UNC5C: variants seen among roughly 807,000 people sequenced by gnomAD.
UNC5C encodes the protein netrin receptor UNC5C.
UNC5C carries 47 observed loss-of-function variants against 99.8 expected under a neutral mutation model. The ratio of observed to expected loss-of-function variants is 0.47; its 90% CI spans 0.37 to 0.60. The LOEUF (loss-of-function observed/expected upper bound fraction) is 0.60, where lower values mean the gene tolerates loss of function less well. Among genes scored for constraint, UNC5C ranks in the 20% least tolerant of loss-of-function variants. The probability of loss-of-function intolerance (pLI) is 0.00; values close to 1 mark genes in which losing one functional copy is unlikely to be tolerated. For missense variants in UNC5C, 1,062 were observed against 1,165.9 expected (o/e 0.91, Z 1.30); for synonymous variants, 487 against 452.2 (o/e 1.08, Z -0.98).
At chr4:95,448,229 A>T (rs1542618) in intron 1 of UNC5C, among the ~76,000 whole-genome samples, 13,362 of 102,914 alleles carry the variant, frequency 0.13, 638 homozygotes, top group African/African-American at 0.17. Context: ...TGTGTGTGTG[A>T]GAGAGAGAGA....
chr4:95,403,052 A>T (rs1439660326), intron 1 of UNC5C, among the ~76,000 whole-genome samples: 2 of 152,202 alleles, frequency 1.3e-5, no homozygotes, highest in Admixed American at 6.5e-5. Context: ...GATGTCAAGA[A>T]CTTCACAGTC....
chr4:95,269,358 G>T (rs562363864), intron 4 of UNC5C, among the ~76,000 whole-genome samples: 2 of 152,216 alleles, frequency 1.3e-5, no homozygotes, highest in South Asian at 4.2e-4. Flanking sequence ...GTGTGATGAC[G>T]GCTCACTGCA....
chr4:95,546,624 C>T (rs977792350), intron 1 of UNC5C, among the ~76,000 whole-genome samples: 4 of 152,312 alleles, frequency 2.6e-5, no homozygotes, highest in African/African-American at 4.8e-5. Context: ...ATACACCCAA[C>T]GGAGTACATT....
At chr4:95,371,966 C>A (rs1251229407) in intron 1 of UNC5C, among the ~76,000 whole-genome samples, 2 of 152,148 alleles carry the variant, frequency 1.3e-5, no homozygotes, top group Non-Finnish European at 2.9e-5. Context: ...TGTAATGCAG[C>A]CAGCCCCAGA....
intron 1 of UNC5C, among the ~76,000 whole-genome samples, chr4:95,462,677 C>A (rs1179454925): frequency 6.6e-6 from 1 of 152,150 alleles, no homozygotes; most frequent in Non-Finnish European, 1.5e-5. Flanking sequence ...AAACTACAAC[C>A]ATCACTAGCA....
intron 1 of UNC5C, among the ~76,000 whole-genome samples, chr4:95,483,707 A>G (rs1477103107): frequency 1.3e-5 from 2 of 151,810 alleles, no homozygotes; most frequent in Non-Finnish European, 2.9e-5. Flanking sequence ...ATCTCTTAAT[A>G]GAGTAGCTGT....
At chr4:95,180,013 C>T (rs1358901242) in intron 14 of UNC5C, among the ~76,000 whole-genome samples, 1 of 151,860 alleles carries the variant, frequency 6.6e-6, no homozygotes, top group Non-Finnish European at 1.5e-5. Flanking sequence ...AGACCCCCCC[C>T]ACGGATTGAA....
At chr4:95,266,228 A>G (rs1740442328) in intron 4 of UNC5C, among the ~76,000 whole-genome samples, 1 of 152,194 alleles carries the variant, frequency 6.6e-6, no homozygotes, top group Admixed American at 6.5e-5. Context: ...TTACAGCCTC[A>G]ATCCCTGCTA....
chr4:95,195,888 C>A (rs550089076), intron 12 of UNC5C, among the ~76,000 whole-genome samples: 1 of 151,186 alleles, frequency 6.6e-6, no homozygotes, highest in African/African-American at 2.5e-5. Flanking sequence ...CTTCTCCATG[C>A]CCAATGAGTC....
intron 11 of UNC5C, among the ~76,000 whole-genome samples, chr4:95,204,419 A>T (rs1451727631): frequency 6.6e-6 from 1 of 152,194 alleles, no homozygotes; most frequent in East Asian, 1.9e-4. Context: ...AGGAGGAATG[A>T]TGGAGACTGT....
At chr4:95,297,771 G>A (rs1303893443) in intron 3 of UNC5C, among the ~76,000 whole-genome samples, 4 of 152,142 alleles carry the variant, frequency 2.6e-5, no homozygotes, top group Admixed American at 2.6e-4. Flanking sequence ...CTCAACAAAA[G>A]CTGTTATCTC....
Position 95,313,475 on chromosome 4 carries a change from C to A in UNC5C, c.347-11726G>T, listed in dbSNP as rs570564415. 3.8e-4 allele frequency among the ~76,000 whole-genome samples: 58 copies of A among 152,194 alleles called. No homozygotes were observed. The Middle Eastern group carries it at 0.01, about 27-fold the overall frequency. ...TCAGATCTTCGATCTTACATCAAGT[C>A]ATTAATCATAAGTGTTAAGAGCAAT... On this transcript the variant is annotated intron_variant, in intron 2 of 15. Transcript: ENST00000453304.
chr4:95,374,446 C>T (rs776884098), intron 1 of UNC5C, among the ~76,000 whole-genome samples: 22 of 152,098 alleles, frequency 1.4e-4, no homozygotes, highest in Non-Finnish European at 1.5e-4. Flanking sequence ...CTATGGCCAT[C>T]CTGGTCCACT....
At chr4:95,376,310 T>C (rs1426633645) in intron 1 of UNC5C, among the ~76,000 whole-genome samples, 1 of 152,074 alleles carries the variant, frequency 6.6e-6, no homozygotes, top group Non-Finnish European at 1.5e-5. Context: ...TCTGTACTGC[T>C]GAACTATACA....
intron 2 of UNC5C, among the ~76,000 whole-genome samples, chr4:95,310,383 C>T (rs1254683566): frequency 6.6e-6 from 1 of 151,696 alleles, no homozygotes; most frequent in African/African-American, 2.4e-5. Context: ...ATGATGAACA[C>T]AGTTGATGGT....
At position 95,217,419 on chromosome 4, in the gene UNC5C, T is replaced by TGGA. The variant is rs577090986; in HGVS notation, c.1646-1211_1646-1209dup. 2.3e-4 allele frequency among the ~76,000 whole-genome samples: 35 copies of TGGA among 152,278 alleles called. 1 individual carries two copies. In the South Asian group the frequency reaches 7.2e-3, roughly 32 times the overall value. On this transcript the variant is annotated intron_variant, in intron 9 of 15. Coordinates refer to ENST00000453304, the MANE Select transcript of UNC5C (RefSeq NM_003728.4). The stretch of plus-strand genomic sequence containing the variant: ...GACTGTCAATGTACAGAATGATTTG[T>TGGA]GGAGGACACAGCAGGAAGATCACAC...
chr4:95,331,358 TG>T (rs1211782957), intron 2 of UNC5C, among the ~76,000 whole-genome samples: 1 of 152,138 alleles, frequency 6.6e-6, no homozygotes, highest in Non-Finnish European at 1.5e-5. Flanking sequence ...CTGGATTAAA[TG>T]GTGTTCTATT....
At chr4:95,407,820 C>G (rs993409670) in intron 1 of UNC5C, among the ~76,000 whole-genome samples, 1 of 152,008 alleles carries the variant, frequency 6.6e-6, no homozygotes, top group African/African-American at 2.4e-5. Context: ...GAGAGGGGAG[C>G]ATATGGAATG....
chr4:95,295,955 G>A (rs1453661490), intron 3 of UNC5C, among the ~76,000 whole-genome samples: 1 of 152,152 alleles, frequency 6.6e-6, no homozygotes, highest in Non-Finnish European at 1.5e-5. Context: ...GGATGGTGGT[G>A]CATGCCAGTA....
Sources: gnomAD v4.1 joint callset for allele counts (sites outside exome capture counted in the v4.1 genomes callset) on GRCh38, gnomAD v4.1.1 for gene constraint, MANE v1.5 for transcripts, NCBI Gene and HGNC (gene_info 2026-07-23, HGNC 2026-07-21) for gene names.